SAMD5: variants seen among roughly 807,000 people sequenced by gnomAD.
SAMD5 encodes sterile alpha motif domain-containing protein 5.
A neutral mutation model predicts 11.3 loss-of-function variants in SAMD5; 13 were observed. That is an observed-to-expected ratio of 1.15 (90% CI 0.75 to 1.83). The LOEUF (loss-of-function observed/expected upper bound fraction) is 1.83. SAMD5 is among the 40% of genes most tolerant of loss of function. SAMD5 has a pLI of 0.00. For missense variants in SAMD5, 255 were observed against 239.1 expected, an observed-to-expected ratio of 1.07 and a Z score of -0.44; for synonymous variants, 129 against 111.3, an observed-to-expected ratio of 1.16 and a Z score of -1.00.
chr6:147,518,542 C>T lies in SAMD5; in HGVS notation c.459+9155C>T, dbSNP rs115574454. ...TGAAACCAATTTTCCTGAAGTAAGG[C>T]GAGTCAGATGACGTGGACTTGATGA... On this transcript the variant is annotated intron_variant, in intron 1 of 1. Coordinates refer to ENST00000367474, the MANE Select transcript of SAMD5 (RefSeq NM_001030060.3). Among the ~76,000 whole-genome samples the T allele has an allele frequency of 5.3e-3, 805 of 152,206 alleles. 7 individuals carry two copies. Among genetic ancestry groups the T allele is most frequent in the African/African-American group, 0.018 (736 of 41,538 alleles).
chr6:147,885,321 A>T, the SAMD5 span, among the ~76,000 whole-genome samples: 1 of 152,180 alleles, frequency 6.6e-6, no homozygotes, highest in Non-Finnish European at 1.5e-5. Flanking sequence ...TTTTAAGTTT[A>T]TAGTATTGTA....
At chr6:147,603,002 A>T (rs1364187871) in intron 1 of SAMD5, among the ~76,000 whole-genome samples, 1 of 152,176 alleles carries the variant, frequency 6.6e-6, no homozygotes, top group Non-Finnish European at 1.5e-5. Flanking sequence ...GAAGGAATGG[A>T]TGGAATGGAA....
chr6:147,861,631 A>G, the SAMD5 span, among the ~76,000 whole-genome samples: 1 of 152,188 alleles, frequency 6.6e-6, no homozygotes, highest in Admixed American at 6.5e-5. Flanking sequence ...GCCCAGGAAC[A>G]CTTTTTCTAT....
chr6:147,950,156 AAC>A, the SAMD5 span, among the ~76,000 whole-genome samples: 1 of 152,184 alleles, frequency 6.6e-6, no homozygotes, highest in African/African-American at 2.4e-5. Context: ...GTGCAGAGAA[AAC>A]ACAGTTTATT....
the SAMD5 span, among the ~76,000 whole-genome samples, chr6:147,804,303 G>T: frequency 1.3e-5 from 2 of 151,746 alleles, no homozygotes; most frequent in African/African-American, 4.8e-5. Context: ...GTAGAGACGG[G>T]GTTTCACCAT....
At chr6:147,622,495 C>T (rs1789985491) in intron 1 of SAMD5, among the ~76,000 whole-genome samples, 1 of 152,164 alleles carries the variant, frequency 6.6e-6, no homozygotes, top group Admixed American at 6.5e-5. Flanking sequence ...CTTGAACTGA[C>T]TTACACTCCA....
downstream of SAMD5, among the ~76,000 whole-genome samples, chr6:147,738,771 T>TG (rs1791840335): frequency 6.6e-6 from 1 of 152,242 alleles, no homozygotes; most frequent in Admixed American, 6.5e-5. Context: ...CCCCTGACTG[T>TG]GGCTGACTGC....
intron 1 of SAMD5, among the ~76,000 whole-genome samples, chr6:147,595,680 C>T (rs370193455): frequency 2.6e-5 from 4 of 152,068 alleles, no homozygotes; most frequent in Admixed American, 6.6e-5. Context: ...GTGCCCACCA[C>T]CACACCCAGC....
chr6:147,516,998 G>C (rs902517565), intron 1 of SAMD5, among the ~76,000 whole-genome samples: 1 of 152,194 alleles, frequency 6.6e-6, no homozygotes, highest in Non-Finnish European at 1.5e-5. Flanking sequence ...CATCTTAGAA[G>C]GGATATCTTG....
At chr6:147,852,363 A>G in the SAMD5 span, among the ~76,000 whole-genome samples, 1 of 152,156 alleles carries the variant, frequency 6.6e-6, no homozygotes, top group Admixed American at 6.5e-5. Context: ...GCCACCAATT[A>G]ATAATATTGG....
At chr6:147,763,152 G>A in the SAMD5 span, among the ~76,000 whole-genome samples, 1 of 151,670 alleles carries the variant, frequency 6.6e-6, no homozygotes, top group Non-Finnish European at 1.5e-5. Context: ...TTTCATTGTG[G>A]TTTTTTGTTT....
At chr6:147,743,201 A>C in the SAMD5 span, 1 of 152,282 alleles carries the variant, frequency 6.6e-6, no homozygotes, top group South Asian at 2.1e-4. Context: ...TTTAACTTTA[A>C]TCCAGTCCAT....
intron 1 of SAMD5, among the ~76,000 whole-genome samples, chr6:147,644,819 C>A (rs1790372743): frequency 6.6e-6 from 1 of 152,134 alleles, no homozygotes; most frequent in Admixed American, 6.5e-5. Context: ...TAGTAATTCT[C>A]CAAATCATCA....
chr6:147,652,421 G>C (rs576032725), intron 1 of SAMD5, among the ~76,000 whole-genome samples: 1 of 152,136 alleles, frequency 6.6e-6, no homozygotes, highest in Non-Finnish European at 1.5e-5. Flanking sequence ...TAGAGATTCT[G>C]AGCTTTTATT....
the SAMD5 span, among the ~76,000 whole-genome samples, chr6:147,776,015 G>A: frequency 2.6e-5 from 4 of 152,192 alleles, no homozygotes; most frequent in East Asian, 1.9e-4. Flanking sequence ...AATAGGTGCT[G>A]GAAACCGAGT....
intron 1 of SAMD5, among the ~76,000 whole-genome samples, chr6:147,620,898 C>T (rs1789949536): frequency 2.6e-5 from 4 of 151,860 alleles, no homozygotes; most frequent in Non-Finnish European, 5.9e-5. Flanking sequence ...AAGAAAGAAC[C>T]GTGGCTCTTG....
At chr6:147,884,548 T>C in the SAMD5 span, among the ~76,000 whole-genome samples, 60 of 152,334 alleles carry the variant, frequency 3.9e-4, no homozygotes, top group African/African-American at 1.4e-3. Context: ...TTTCAAATTC[T>C]CTAAAGCACA....
rs952547517 is a variant in SAMD5 at position 147,683,231 on chromosome 6, T to C, written c.163-54086T>C. 2.6e-5 allele frequency among the ~76,000 whole-genome samples: 4 copies of C among 152,324 alleles called. 1 individual carries two copies. Among genetic ancestry groups the C allele is most frequent in the East Asian group, 1.9e-4 (1 of 5,180 alleles). On this transcript the variant is annotated intron_variant, in intron 1 of 1. Coordinates refer to the SAMD5 transcript ENST00000566741. Reference sequence around the variant, plus strand: ...CTGTATGATGAATGTTTTAACTACTTCAGAAGTTTTTAAATACTTGAAAAG... The same window carrying C: ...CTGTATGATGAATGTTTTAACTACTCCAGAAGTTTTTAAATACTTGAAAAG...
At chr6:147,596,271 A>G (rs952436688) in intron 1 of SAMD5, among the ~76,000 whole-genome samples, 1 of 152,226 alleles carries the variant, frequency 6.6e-6, no homozygotes, top group African/African-American at 2.4e-5. Context: ...ATATCATAGT[A>G]TAGATGGGTT....
Sources: allele counts gnomAD v4.1 joint callset (sites outside exome capture counted in the v4.1 genomes callset), GRCh38; gene constraint gnomAD v4.1.1; transcripts MANE v1.5; gene names NCBI Gene and HGNC (gene_info 2026-07-23, HGNC 2026-07-21).